UGT2B15: variants seen among roughly 807,000 people sequenced by gnomAD.
UGT2B15 encodes UDP-glucuronosyltransferase 2B15.
A neutral mutation model predicts 45.9 loss-of-function variants in UGT2B15; 36 were observed. The ratio of observed to expected loss-of-function variants is 0.78; its 90% CI spans 0.60 to 1.04. The LOEUF is 1.04. UGT2B15 is among the 50% of genes least tolerant of loss of function. The probability of loss-of-function intolerance (pLI) is 0.00; values close to 1 mark genes in which losing one functional copy is unlikely to be tolerated. For synonymous variants in UGT2B15, 219 were observed against 216.4 expected (o/e 1.01, Z -0.11); for missense variants, 617 against 622.4 (o/e 0.99, Z 0.09).
At chr4:68,655,619 T>C (rs1350836611) in intron 3 of UGT2B15, among the ~76,000 whole-genome samples, 1 of 152,088 alleles carries the variant, frequency 6.6e-6, no homozygotes, top group Non-Finnish European at 1.5e-5. Flanking sequence ...ATTCAGCTAT[T>C]TGTCTCTCAT....
chr4:68,667,159 T>G (rs936875109), intron 2 of UGT2B15, among the ~76,000 whole-genome samples: 1 of 151,942 alleles, frequency 6.6e-6, no homozygotes, highest in Non-Finnish European at 1.5e-5. Flanking sequence ...CTTTTTTTTT[T>G]TTTGTTTATT....
intron 2 of UGT2B15, among the ~76,000 whole-genome samples, chr4:68,667,132 C>T (rs371425215): frequency 6.6e-6 from 1 of 151,142 alleles, no homozygotes; most frequent in Non-Finnish European, 1.5e-5. Context: ...ACTTTTCTGC[C>T]TTAATGCAAG....
chr4:68,649,925 C>A (rs370344627), intron 5 of UGT2B15, among the ~76,000 whole-genome samples: 6 of 151,454 alleles, frequency 4.0e-5, no homozygotes, highest in Non-Finnish European at 7.4e-5. Context: ...CTCCGTCTCC[C>A]GGGTTCAAGT....
intron 4 of UGT2B15, 111 bp downstream of exon 4, chr4:68,654,984 G>C: frequency 7.5e-7 from 1 of 1,333,672 alleles, no homozygotes; most frequent in East Asian, 2.3e-5. Context: ...AATTTGATTT[G>C]TTTTTTAGTT....
At position 68,670,260 on chromosome 4, in the gene UGT2B15, T is replaced by C. The variant is rs1205440649; in HGVS notation, c.359A>G (p.Tyr120Cys). ...FSQLQELCWEYYDYSNKLCKD... is the reference protein window; with the variant it reads ...FSQLQELCWECYDYSNKLCKD... ...ACAGAGCTTGTTACTGTAGTCATAA[T>C]ATTCCCAACACAATTCTTGTAATTG... The change falls in exon 1 of 6, where the codon TAT becomes TGT. Residue 120 changes from tyrosine to cysteine, a missense_variant. Physicochemically the swap from Tyr to Cys is radical, Grantham distance 194 (BLOSUM62 -2). This residue lies in a region of UGT2B15 where 351 missense variants were observed against 342.1 expected (regional missense o/e 1.03). Transcript: ENST00000338206. 2.5e-6 allele frequency: 4 copies of C among 1,614,124 alleles called. No homozygotes were observed. Among genetic ancestry groups the C allele is most frequent in the Non-Finnish European group, 3.4e-6 (4 of 1,180,006 alleles).
intron 5 of UGT2B15, among the ~76,000 whole-genome samples, chr4:68,649,007 C>A (rs569004275): frequency 1.3e-5 from 2 of 151,808 alleles, no homozygotes; most frequent in Non-Finnish European, 2.9e-5. Context: ...AATATTTATT[C>A]ATTTTTGTTG....
intron 2 of UGT2B15, among the ~76,000 whole-genome samples, chr4:68,665,094 A>C (rs1434804723): frequency 6.6e-6 from 1 of 152,188 alleles, no homozygotes; most frequent in African/African-American, 2.4e-5. Context: ...GTCTTTATGA[A>C]AGTAATGGTA....
At position 68,655,091 on chromosome 4, in the gene UGT2B15, T is replaced by C. The variant is rs1182095971; in HGVS notation, c.1093+4A>G. The stretch of plus-strand genomic sequence containing the variant: ...TATTCACTGTTTGTTCTCCAGAATC[T>C]TACCAAGAAGGTCATTCTGGGGTAA... On this transcript the variant is annotated splice_donor_region_variant and intron_variant, in intron 4 of 5. Coordinates refer to ENST00000338206, the MANE Select transcript of UGT2B15 (RefSeq NM_001076.4). 1 of 1,612,500 alleles carries C rather than the reference T, an allele frequency of 6.2e-7. No individual in the cohort carries two copies. The highest frequency in any genetic ancestry group is 8.5e-7 in the Non-Finnish European group (1 of 1,179,326).
chr4:68,648,835 T>C (rs181082000), intron 5 of UGT2B15, among the ~76,000 whole-genome samples: 1 of 152,216 alleles, frequency 6.6e-6, no homozygotes, highest in African/African-American at 2.4e-5. Flanking sequence ...TGTTTTTGGT[T>C]AGCAGTTGTT....
At chr4:68,666,754 T>TATA (rs202047313) in intron 2 of UGT2B15, among the ~76,000 whole-genome samples, 68 of 120,084 alleles carry the variant, frequency 5.7e-4, no homozygotes, top group Non-Finnish European at 8.8e-4. Context: ...ATATATATAT[T>TATA]TTTTTTTTTT....
chr4:68,647,485 A>G (rs1732517205), intron 5 of UGT2B15, 102 bp from the exon 6 acceptor site: 1 of 1,309,870 alleles, frequency 7.6e-7, no homozygotes, highest in African/African-American at 1.5e-5. Flanking sequence ...AAATGATTGA[A>G]AGTAAGTGTC....
In UGT2B15 at chr4:68,647,052, A is replaced by T. The variant is rs1405781215; in HGVS notation, c.*52T>A. 22 of 1,561,380 alleles carry T rather than the reference A, an allele frequency of 1.4e-5. No individual in the cohort carries two copies. Among genetic ancestry groups the T allele is most frequent in the Non-Finnish European group, 1.8e-5 (21 of 1,153,524 alleles). ...TCCATTTAAAACCCTCCATGCTGAA[A>T]TAAAGGAGGAGTCCCATCTTTCAGT... On this transcript the variant is annotated 3_prime_UTR_variant, in exon 6 of 6. Transcript: ENST00000338206.
At chr4:68,654,369 C>A in intron 4 of UGT2B15, 113 bp from the exon 5 acceptor site, 7 of 962,854 alleles carry the variant, frequency 7.3e-6, no homozygotes, top group Middle Eastern at 2.3e-4. Context: ...AACATTATAC[C>A]CACAAAACTG....
At chr4:68,657,189 TC>T (rs1336466120) in intron 3 of UGT2B15, among the ~76,000 whole-genome samples, 1 of 152,154 alleles carries the variant, frequency 6.6e-6, no homozygotes, top group Non-Finnish European at 1.5e-5. Flanking sequence ...CATCTGCTCC[TC>T]CCAGGCAAAA....
chr4:68,662,389 G>GT (rs563877748), intron 3 of UGT2B15, among the ~76,000 whole-genome samples: 27,583 of 144,086 alleles, frequency 0.19, 2,936 homozygotes, highest in Admixed American at 0.3. Flanking sequence ...GAGCAGACAA[G>GT]TTTTTTTTTT....
chr4:68,650,966 A>G (rs1447817007), intron 5 of UGT2B15, among the ~76,000 whole-genome samples: 2 of 131,162 alleles, frequency 1.5e-5, no homozygotes, highest in African/African-American at 5.5e-5. Flanking sequence ...GTGTCTGTTT[A>G]TATCTTTTGC....
At chr4:68,651,929 T>C (rs971299965) in intron 5 of UGT2B15, among the ~76,000 whole-genome samples, 4 of 152,108 alleles carry the variant, frequency 2.6e-5, no homozygotes, top group East Asian at 1.9e-4. Flanking sequence ...GGTAGTTTGA[T>C]GGGAATAGCT....
rs192628779 is a variant in UGT2B15, at chr4:68,668,066, A to G, written c.847T>C (p.Cys283Arg). 2.4e-4 allele frequency: 386 copies of G among 1,614,004 alleles called. 3 individuals carry two copies. In the East Asian group the frequency reaches 6.9e-3, roughly 29 times the overall value. The change falls in exon 2 of 6, where the codon TGT (cysteine) becomes CGT (arginine). Residue 283 changes from cysteine (C) to arginine (R), a missense_variant. Cys to Arg is a radical substitution (Grantham distance 180). Coordinates refer to ENST00000338206, the MANE Select transcript of UGT2B15 (RefSeq NM_001076.4). ...PNVDFVGGLHCKPAKPLPKEM... is the reference protein window; with the variant it reads ...PNVDFVGGLHRKPAKPLPKEM... ...TTAGGCAGGGGTTTGGCTGGTTTAC[A>G]GTGAAGTCCTCCAACAAAATCAACA...
chr4:68,659,324 C>G (rs933346540), intron 3 of UGT2B15, among the ~76,000 whole-genome samples: 3 of 151,852 alleles, frequency 2.0e-5, no homozygotes, highest in African/African-American at 7.3e-5. Flanking sequence ...ATTTTCCAAA[C>G]AAATTATAAA....
Sources: allele counts gnomAD v4.1 joint callset (sites outside exome capture counted in the v4.1 genomes callset), GRCh38; gene constraint gnomAD v4.1.1; regional missense constraint gnomAD v4.1.1; transcripts MANE v1.5; gene names NCBI Gene and HGNC (gene_info 2026-07-23, HGNC 2026-07-21).